The following C10orf90 variants were observed in gnomAD, a reference collection of about 807,000 sequenced individuals.
C10orf90 encodes chromosome 10 open reading frame 90.
A neutral mutation model predicts 62.5 loss-of-function variants in C10orf90; 56 were observed. The ratio of observed to expected loss-of-function variants is 0.90; its 90% CI spans 0.72 to 1.12. The LOEUF (loss-of-function observed/expected upper bound fraction) is 1.12, where lower values mean the gene tolerates loss of function less well. Ranked by LOEUF, C10orf90 falls within the 50% of genes most tolerant of loss-of-function variation. The pLI, the probability that C10orf90 is intolerant of heterozygous loss-of-function variation, is 0.00. For synonymous variants in C10orf90, 386 were observed against 340.4 expected (o/e 1.13, Z -1.47); for missense variants, 970 against 880.4 (o/e 1.10, Z -1.29).
chr10:126,643,004 G>A (rs1303137204), intron 2 of C10orf90, among the ~76,000 whole-genome samples: 3 of 152,254 alleles, frequency 2.0e-5, no homozygotes, highest in African/African-American at 4.8e-5. Flanking sequence ...GGCTCCAGAA[G>A]TTCTAGCCAC....
chr10:126,460,689 G>A (rs1379713119), intron 6 of C10orf90, among the ~76,000 whole-genome samples: 1 of 152,064 alleles, frequency 6.6e-6, no homozygotes, highest in African/African-American at 2.4e-5. Context: ...GACTTTGGGG[G>A]CACCATGAAT....
At chr10:126,621,166 C>A (rs1845636952) in intron 2 of C10orf90, among the ~76,000 whole-genome samples, 1 of 152,146 alleles carries the variant, frequency 6.6e-6, no homozygotes, top group African/African-American at 2.4e-5. Context: ...CTGTTGAATT[C>A]TGTTTTCCCA....
intron 2 of C10orf90, among the ~76,000 whole-genome samples, chr10:126,589,918 T>C (rs960855073): frequency 2.6e-5 from 4 of 151,482 alleles, no homozygotes; most frequent in Admixed American, 2.6e-4. Flanking sequence ...AGATTGATCA[T>C]AACCCATCAT....
At chr10:126,474,474 C>A (rs539424197) in intron 4 of C10orf90, among the ~76,000 whole-genome samples, 1 of 152,172 alleles carries the variant, frequency 6.6e-6, no homozygotes, top group South Asian at 2.1e-4. Context: ...CCTTCAACTA[C>A]TCTCAGAAAA....
At chr10:126,595,589 G>A (rs1194664648) in intron 2 of C10orf90, among the ~76,000 whole-genome samples, 2 of 152,172 alleles carry the variant, frequency 1.3e-5, no homozygotes, top group Non-Finnish European at 2.9e-5. Flanking sequence ...TACTCTAGGA[G>A]GAGACCTGGC....
At chr10:126,560,107 AT>A (rs1864867039) in intron 2 of C10orf90, among the ~76,000 whole-genome samples, 2 of 152,118 alleles carry the variant, frequency 1.3e-5, no homozygotes. Flanking sequence ...TAAATATTAT[AT>A]TTCTATACAA....
intron 2 of C10orf90, among the ~76,000 whole-genome samples, chr10:126,630,102 C>T (rs1028018717): frequency 6.6e-6 from 1 of 152,172 alleles, no homozygotes; most frequent in Non-Finnish European, 1.5e-5. Context: ...GGCCTGGTGC[C>T]GGCAGGACCA....
At chr10:126,532,929 A>ATTATTAT (rs1554910884) in intron 2 of C10orf90, among the ~76,000 whole-genome samples, 1 of 145,892 alleles carries the variant, frequency 6.9e-6, no homozygotes, top group African/African-American at 2.5e-5. Flanking sequence ...TATTATTATT[A>ATTATTAT]TTATTTATTT....
At chr10:126,466,391 C>A (rs1231257371) in intron 4 of C10orf90, among the ~76,000 whole-genome samples, 3 of 141,990 alleles carry the variant, frequency 2.1e-5, no homozygotes, top group Non-Finnish European at 4.6e-5. Flanking sequence ...CACACACACA[C>A]AAAAGAATAT....
rs373509885 is a variant in C10orf90, at chr10:126,642,424, C to T, written c.313+4141G>A. ...GCGGGCGCCTGTAGTCCCAGCTACT[C>T]GGGAGACTGAGGCAGGACAATGGCA... On this transcript the variant is annotated intron_variant, in intron 2 of 9. Coordinates refer to ENST00000488181, the MANE Select transcript of C10orf90 (RefSeq NM_001350921.2). Among the ~76,000 whole-genome samples the T allele has an allele frequency of 5.1e-4, 77 of 151,988 alleles. No homozygotes were observed. In the East Asian group the frequency reaches 0.011, roughly 21 times the overall value.
intron 2 of C10orf90, among the ~76,000 whole-genome samples, chr10:126,578,945 G>A (rs546393736): frequency 6.6e-6 from 1 of 152,244 alleles, no homozygotes; most frequent in African/African-American, 2.4e-5. Flanking sequence ...AGAAATTCAT[G>A]TTCTGTTTCT....
chr10:126,459,151 G>C lies in C10orf90; in HGVS notation c.2077C>G (p.His693Asp), dbSNP rs771124690. 4 of 1,614,092 alleles carry C rather than the reference G, an allele frequency of 2.5e-6. No homozygotes were observed. Among genetic ancestry groups the C allele is most frequent in the Non-Finnish European group, 3.4e-6 (4 of 1,180,064 alleles). ...RSQERLKKLE[H>D]MVQQRKAQRK... is the part of the protein sequence containing the mutation. ...TGGGCTTTCCTCTGCTGGACCATGT[G>C]TTCAAGCTTCTTCAGCCGTTCTTGT... The change falls in exon 7 of 10, where the codon CAC becomes GAC. Residue 693 changes from histidine (H) to aspartate (D), a missense_variant. Transcript: ENST00000488181.
At chr10:126,426,644 C>G (rs1857282768) in intron 8 of C10orf90, among the ~76,000 whole-genome samples, 1 of 152,200 alleles carries the variant, frequency 6.6e-6, no homozygotes. Context: ...GGATCTTCCT[C>G]TGGACACTTC....
chr10:126,509,292 A>ATAGATTTG, intron 3 of C10orf90, among the ~76,000 whole-genome samples: 1 of 152,310 alleles, frequency 6.6e-6, no homozygotes, highest in Non-Finnish European at 1.5e-5. Flanking sequence ...CCAAAGAAAA[A>ATAGATTTG]TAGATTTGCC....
intron 1 of C10orf90, among the ~76,000 whole-genome samples, chr10:126,649,582 C>T (rs1846251582): frequency 6.6e-6 from 1 of 152,188 alleles, no homozygotes; most frequent in African/African-American, 2.4e-5. Context: ...GCGTGTCTCT[C>T]CTGACATTGC....
At chr10:126,548,657 G>A (rs187042372) in intron 2 of C10orf90, among the ~76,000 whole-genome samples, 4 of 152,052 alleles carry the variant, frequency 2.6e-5, no homozygotes, top group Admixed American at 6.5e-5. Flanking sequence ...GAGCCACTGC[G>A]CCCGGCCGCA....
intron 2 of C10orf90, among the ~76,000 whole-genome samples, chr10:126,627,327 T>C (rs945522936): frequency 8.5e-5 from 13 of 152,194 alleles, no homozygotes; most frequent in African/African-American, 2.9e-4. Flanking sequence ...TGAGTATAAC[T>C]GGTTATTTTC....
At chr10:126,508,692 TC>T (rs1862915321) in intron 3 of C10orf90, among the ~76,000 whole-genome samples, 1 of 152,158 alleles carries the variant, frequency 6.6e-6, no homozygotes, top group Non-Finnish European at 1.5e-5. Context: ...GGGCCGGGAC[TC>T]CCATACTGGC....
chr10:126,476,301 C>G lies in C10orf90; in HGVS notation c.1535-11315G>C, dbSNP rs1015008084. ...AACCTCAATCACATCAACCCAAATT[C>G]TCAGCTGGAAACACGTGGCCCTGTG... On this transcript the variant is annotated intron_variant, in intron 4 of 9. Transcript: ENST00000488181. 1.4e-4 allele frequency among the ~76,000 whole-genome samples: 22 copies of G among 152,336 alleles called. No individual in the cohort carries two copies. In the South Asian group the frequency reaches 3.5e-3, roughly 24 times the overall value.
Sources: allele counts gnomAD v4.1 joint callset (sites outside exome capture counted in the v4.1 genomes callset), GRCh38; gene constraint gnomAD v4.1.1; transcripts MANE v1.5; gene names NCBI Gene and HGNC (gene_info 2026-07-23, HGNC 2026-07-21).